Variants in GLIS3 observed in about 807,000 individuals in gnomAD.
GLIS3 encodes the protein GLIS family zinc finger 3.
GLIS3 carries 53 observed loss-of-function variants against 78.6 expected under a neutral mutation model. That is an observed-to-expected ratio of 0.67 (90% CI 0.54 to 0.85). GLIS3 has a LOEUF of 0.85. GLIS3 is among the 40% of genes least tolerant of loss of function. GLIS3 has a pLI of 0.00. For synonymous variants in GLIS3, 684 were observed against 509.9 expected (o/e 1.34, Z -4.60); for missense variants, 1,703 against 1,231.1 (o/e 1.38, Z -5.74).
chr9:4,358,610 C>T, the GLIS3 span, among the ~76,000 whole-genome samples: 1 of 152,154 alleles, frequency 6.6e-6, no homozygotes, highest in Admixed American at 6.5e-5. Context: ...TACCATCTCC[C>T]TATTTAGATG....
intron 2 of GLIS3, among the ~76,000 whole-genome samples, chr9:4,168,910 G>T (rs984234957): frequency 2.6e-5 from 4 of 152,164 alleles, no homozygotes; most frequent in Non-Finnish European, 5.9e-5. Context: ...GTTAGATAAC[G>T]AGAAAATTTC....
chr9:4,285,943 T>A (rs759302471), intron 2 of GLIS3, 95 bp downstream of exon 2: 1 of 1,412,000 alleles, frequency 7.1e-7, no homozygotes. Context: ...TGACACTGAA[T>A]CATGTATTTT....
chr9:4,474,695 C>G, the GLIS3 span, among the ~76,000 whole-genome samples: 1 of 134,296 alleles, frequency 7.4e-6, no homozygotes, highest in African/African-American at 2.6e-5. Context: ...AAGTCCAAAG[C>G]AATTTTTTTT....
intron 2 of GLIS3, among the ~76,000 whole-genome samples, chr9:4,170,853 T>C (rs1816314768): frequency 6.6e-6 from 1 of 152,178 alleles, no homozygotes; most frequent in African/African-American, 2.4e-5. Context: ...CATGAAATCC[T>C]CATGAATTCT....
intron 2 of GLIS3, among the ~76,000 whole-genome samples, chr9:4,177,512 C>T (rs765761115): frequency 5.9e-5 from 9 of 152,144 alleles, no homozygotes; most frequent in Non-Finnish European, 1.2e-4. Context: ...GCAAGATACC[C>T]TCCCTTCTCC....
intron 2 of GLIS3, among the ~76,000 whole-genome samples, chr9:4,139,876 T>C (rs866742278): frequency 1.3e-5 from 2 of 152,172 alleles, no homozygotes; most frequent in African/African-American, 4.8e-5. Flanking sequence ...TCACCTGCTG[T>C]TGTGTGGCCT....
the GLIS3 span, among the ~76,000 whole-genome samples, chr9:4,471,143 A>G: frequency 3.9e-5 from 6 of 152,184 alleles, no homozygotes; most frequent in African/African-American, 1.2e-4. Context: ...ATGCTCATGG[A>G]TAGGAAGAAT....
chr9:4,252,215 C>T (rs188767102), intron 2 of GLIS3, among the ~76,000 whole-genome samples: 30 of 152,268 alleles, frequency 2.0e-4, no homozygotes, highest in Middle Eastern at 3.4e-3. Context: ...AGCTTGGTTC[C>T]ATTCTCCCCG....
intron 2 of GLIS3, among the ~76,000 whole-genome samples, chr9:4,160,910 G>A (rs1489477030): frequency 1.3e-5 from 2 of 152,076 alleles, no homozygotes; most frequent in South Asian, 2.1e-4. Context: ...GGTAATCACT[G>A]CAGTCTAGAG....
chr9:3,863,313 C>A (rs925561388), intron 8 of GLIS3, among the ~76,000 whole-genome samples: 4 of 152,214 alleles, frequency 2.6e-5, no homozygotes, highest in African/African-American at 9.7e-5. Context: ...CCAAATGAAT[C>A]ACAGCACGTT....
chr9:4,262,862 A>G (rs1380915270), intron 2 of GLIS3, among the ~76,000 whole-genome samples: 1 of 151,790 alleles, frequency 6.6e-6, no homozygotes, highest in Non-Finnish European at 1.5e-5. Flanking sequence ...TCTAGTGTTA[A>G]AACTATGAAC....
chr9:4,108,687 C>A (rs1830966913), intron 4 of GLIS3, among the ~76,000 whole-genome samples: 2 of 152,184 alleles, frequency 1.3e-5, no homozygotes, highest in African/African-American at 4.8e-5. Context: ...ATACCCAGGC[C>A]CCTATTTAAA....
At chr9:4,101,473 G>C (rs1830366094) in intron 4 of GLIS3, among the ~76,000 whole-genome samples, 1 of 152,130 alleles carries the variant, frequency 6.6e-6, no homozygotes, top group South Asian at 2.1e-4. Context: ...GTTATCATTT[G>C]TCAGTGTCTA....
At chr9:4,419,410 G>T in the GLIS3 span, among the ~76,000 whole-genome samples, 1 of 152,136 alleles carries the variant, frequency 6.6e-6, no homozygotes, top group Non-Finnish European at 1.5e-5. Context: ...TCAGTTTCTG[G>T]GGAGGCCTCA....
chr9:4,446,969 C>A, the GLIS3 span, among the ~76,000 whole-genome samples: 257 of 152,132 alleles, frequency 1.7e-3, 1 homozygote, highest in African/African-American at 6.0e-3. Context: ...AAACGTGCCC[C>A]GTGATTCTTA....
chr9:4,308,240 C>T (rs1817279122), intron 4 of GLIS3, among the ~76,000 whole-genome samples: 1 of 151,870 alleles, frequency 6.6e-6, no homozygotes, highest in Non-Finnish European at 1.5e-5. Context: ...GGACCCACAG[C>T]CCATGAACTG....
chr9:4,379,476 T>G, the GLIS3 span, among the ~76,000 whole-genome samples: 4 of 152,222 alleles, frequency 2.6e-5, no homozygotes, highest in Admixed American at 1.3e-4. Flanking sequence ...ACAACATTAG[T>G]CCCTTCTTTT....
chr9:4,482,977 G>T, the GLIS3 span, among the ~76,000 whole-genome samples: 59,416 of 151,972 alleles, frequency 0.39, 12,463 homozygotes, highest in East Asian at 0.62. Flanking sequence ...ATTCTAACAA[G>T]TCTTTCAATT....
intron 4 of GLIS3, among the ~76,000 whole-genome samples, chr9:3,992,396 G>A (rs1431439971): frequency 6.6e-6 from 1 of 152,192 alleles, no homozygotes; most frequent in Non-Finnish European, 1.5e-5. Context: ...GGGCAATAAA[G>A]AAATGTGTTT....
Sources: gnomAD v4.1 joint callset for allele counts (sites outside exome capture counted in the v4.1 genomes callset) on GRCh38, gnomAD v4.1.1 for gene constraint, MANE v1.5 for transcripts, NCBI Gene and HGNC (gene_info 2026-07-23, HGNC 2026-07-21) for gene names.